SLC7A14: variants seen among roughly 807,000 people sequenced by gnomAD.
The protein encoded by SLC7A14 is gamma-aminobutyric acid transporter SLC7A14.
In SLC7A14, 37 loss-of-function variants were observed where a neutral mutation model predicts 60.2. The ratio of observed to expected loss-of-function variants is 0.61; its 90% CI spans 0.47 to 0.81. The LOEUF is 0.81. SLC7A14 is among the 30% of genes least tolerant of loss of function. The pLI is 0.00. For synonymous variants in SLC7A14, 399 were observed against 395.8 expected (o/e 1.01, Z -0.10); for missense variants, 886 against 982.7 (o/e 0.90, Z 1.32).
At chr3:170,560,705 T>G (rs1714623915) in intron 1 of SLC7A14, among the ~76,000 whole-genome samples, 1 of 152,188 alleles carries the variant, frequency 6.6e-6, no homozygotes, top group Non-Finnish European at 1.5e-5. Context: ...GAACAAAATG[T>G]GACCCGGCAT....
At chr3:170,514,644 G>GAGTCAAAAGCGTGCTCTTTGCACAGGGTT (rs1187613273) in intron 2 of SLC7A14, among the ~76,000 whole-genome samples, 1 of 152,214 alleles carries the variant, frequency 6.6e-6, no homozygotes, top group African/African-American at 2.4e-5. Context: ...TATACTTTCA[G>GAGTCAAAAGCGTGCTCTTTGCACAGGGTT]AGTCAAAAGC....
chr3:170,565,274 C>T (rs969335141), intron 1 of SLC7A14, among the ~76,000 whole-genome samples: 6 of 152,234 alleles, frequency 3.9e-5, no homozygotes, highest in Non-Finnish European at 7.3e-5. Context: ...GGTGATGGCT[C>T]TCAACTGCAG....
chr3:170,480,317 C>T lies in SLC7A14; in HGVS notation c.1965G>A (p.Trp655Ter). The T allele has an allele frequency of 6.5e-7, 1 of 1,545,340 alleles. No individual in the cohort carries two copies. Among genetic ancestry groups the T allele is most frequent in the Non-Finnish European group, 8.7e-7 (1 of 1,146,224 alleles). The change falls in exon 7 of 8, where the codon TGG becomes TGA. Residue 655 changes from tryptophan (W) to a stop codon, truncating the protein, a stop_gained. Transcript: ENST00000231706. LOFTEE classifies it high-confidence loss of function. ...CAAAGCACCAGACCGCAAACCGGAT[C>T]CATGTGATGGTGGAGAGCTTTAGCA... is the stretch of plus-strand genomic sequence containing the variant. ...YLMLKLSTIT[W>*]IRFAVWCFVG...
In SLC7A14 at chr3:170,505,611, C is replaced by T. The variant is rs761206879; in HGVS notation, c.305-4266G>A. ...TTTAAATGAGAGATCAATGGCCGGGCGCGGTGGCTCATGCCTGTAATCCCA... is the reference window on the plus strand; with the variant it reads ...TTTAAATGAGAGATCAATGGCCGGGTGCGGTGGCTCATGCCTGTAATCCCA... On this transcript the variant is annotated intron_variant, in intron 2 of 7. Coordinates refer to ENST00000231706, the MANE Select transcript of SLC7A14 (RefSeq NM_020949.3). Among the ~76,000 whole-genome samples the T allele has an allele frequency of 6.6e-5, 10 of 152,196 alleles. No individual in the cohort carries two copies. The East Asian group carries it at 9.6e-4, about 15-fold the overall frequency.
intron 4 of SLC7A14, chr3:170,496,763 G>T: frequency 1.4e-6 from 1 of 732,864 alleles, no homozygotes; most frequent in Admixed American, 1.8e-5. Flanking sequence ...TCCAGCTTTG[G>T]CTCTGTCGCG....
At chr3:170,496,454 T>C in intron 4 of SLC7A14, 1 of 1,275,826 alleles carries the variant, frequency 7.8e-7, no homozygotes, top group Non-Finnish European at 1.1e-6. Context: ...CCGAGCAGCG[T>C]GGGGAGCTGG....
At chr3:170,499,736 A>G (rs1174793428) in intron 3 of SLC7A14, among the ~76,000 whole-genome samples, 1 of 152,142 alleles carries the variant, frequency 6.6e-6, no homozygotes, top group Non-Finnish European at 1.5e-5. Flanking sequence ...GTTTTGCCCA[A>G]CGGCCAGTGG....
intron 1 of SLC7A14, among the ~76,000 whole-genome samples, chr3:170,563,417 G>GTTT (rs67991294): frequency 9.8e-5 from 11 of 111,904 alleles, no homozygotes; most frequent in South Asian, 3.3e-4. Flanking sequence ...TTGTTTGTTT[G>GTTT]TTTTTTTTTT....
chr3:170,484,155 C>A (rs1245441071), intron 5 of SLC7A14, among the ~76,000 whole-genome samples: 2 of 152,186 alleles, frequency 1.3e-5, no homozygotes, highest in East Asian at 3.8e-4. Context: ...AGAATCAAGT[C>A]CTACTGATTA....
rs946658957 is a variant in SLC7A14 at position 170,519,604 on chromosome 3, C to G, written c.304+7029G>C. ...CAGCCTGGCCAACATGATGAAACCC[C>G]GTCTCTACTAAAAATACAAAAATTA... is the stretch of plus-strand genomic sequence containing the variant. On this transcript the variant is annotated intron_variant, in intron 2 of 7. Transcript: ENST00000231706. 6.6e-5 allele frequency among the ~76,000 whole-genome samples: 10 copies of G among 152,230 alleles called. 1 individual carries two copies. In the Middle Eastern group the frequency reaches 0.02, roughly 311 times the overall value.
At chr3:170,481,404 T>G (rs1414790830) in intron 6 of SLC7A14, among the ~76,000 whole-genome samples, 2 of 150,266 alleles carry the variant, frequency 1.3e-5, no homozygotes, top group African/African-American at 4.9e-5. Context: ...TTTTTTTTTT[T>G]TTTGGTGAGA....
At chr3:170,474,322 A>G (rs1012588592) in intron 7 of SLC7A14, among the ~76,000 whole-genome samples, 5 of 152,204 alleles carry the variant, frequency 3.3e-5, no homozygotes, top group Non-Finnish European at 7.3e-5. Context: ...GGATCACAGG[A>G]GAGCCAGTGT....
intron 1 of SLC7A14, among the ~76,000 whole-genome samples, chr3:170,549,214 CTT>C (rs113114531): frequency 8.5e-5 from 11 of 129,486 alleles, no homozygotes; most frequent in East Asian, 2.3e-4. Context: ...CGGCCTTCTT[CTT>C]TTTTTTTTTT....
In SLC7A14 at chr3:170,464,977, T is replaced by C. The variant is rs1042920285; in HGVS notation, c.*2078A>G. ...GAGTCCTATAGCCAATTCAAAACTT[T>C]GTTTTCAAAAGATGACTGATAATTA... On this transcript the variant is annotated 3_prime_UTR_variant, in exon 8 of 8. Transcript: ENST00000231706. The C allele has an allele frequency of 2.6e-5, 4 of 152,258 alleles. No homozygotes were observed. Among genetic ancestry groups the C allele is most frequent in the Non-Finnish European group, 5.9e-5 (4 of 68,056 alleles). The allele number at this position is 152,258 out of a possible 1,614,324, so 9.4% of individuals were successfully genotyped here.
At chr3:170,516,924 G>C (rs1713176515) in intron 2 of SLC7A14, among the ~76,000 whole-genome samples, 1 of 152,172 alleles carries the variant, frequency 6.6e-6, no homozygotes, top group Non-Finnish European at 1.5e-5. Flanking sequence ...CTTTGAGCCT[G>C]AGTTTTGTCA....
intron 1 of SLC7A14, among the ~76,000 whole-genome samples, chr3:170,534,424 C>T (rs1713775312): frequency 6.6e-6 from 1 of 152,154 alleles, no homozygotes; most frequent in African/African-American, 2.4e-5. Context: ...TGAGAAGTGT[C>T]CTCCTCCCAT....
At chr3:170,530,722 C>G (rs867377384) in intron 1 of SLC7A14, among the ~76,000 whole-genome samples, 2 of 152,186 alleles carry the variant, frequency 1.3e-5, no homozygotes, top group African/African-American at 2.4e-5. Flanking sequence ...GGGTGTGGAC[C>G]TGCTGCAGCG....
intron 3 of SLC7A14, among the ~76,000 whole-genome samples, chr3:170,499,159 C>A (rs1345455412): frequency 1.5e-5 from 2 of 137,378 alleles, no homozygotes; most frequent in African/African-American, 2.9e-5. Context: ...ATGGCGTGAA[C>A]CTGGGAGGTG....
chr3:170,534,835 T>C (rs1052283105), intron 1 of SLC7A14, among the ~76,000 whole-genome samples: 1 of 152,246 alleles, frequency 6.6e-6, no homozygotes, highest in African/African-American at 2.4e-5. Flanking sequence ...ACAATATTTC[T>C]ACTGACACAA....
Sources: gnomAD v4.1 joint callset for allele counts (sites outside exome capture counted in the v4.1 genomes callset) on GRCh38, gnomAD v4.1.1 for gene constraint, MANE v1.5 for transcripts, NCBI Gene and HGNC (gene_info 2026-07-23, HGNC 2026-07-21) for gene names.